The following CUX1 variants were observed in gnomAD, a reference collection of about 807,000 sequenced individuals.
The protein encoded by CUX1 is protein CASP.
Under a neutral mutation model 158.8 loss-of-function variants are expected in CUX1, and 31 were observed. The observed-to-expected ratio is 0.20, with a 90% CI of 0.15 to 0.26. CUX1 has a LOEUF of 0.26. Among genes scored for constraint, CUX1 ranks in the 10% least tolerant of loss-of-function variants. CUX1 has a pLI of 1.00. For synonymous variants in CUX1, 879 were observed against 862.1 expected, an observed-to-expected ratio of 1.02 and a Z score of -0.34; for missense variants, 1,589 against 2,014.6, an observed-to-expected ratio of 0.79 and a Z score of 4.04.
chr7:102,204,336 T>A, intron 18 of CUX1, 55 bp from the exon 19 acceptor site: 1 of 1,596,428 alleles, frequency 6.3e-7, no homozygotes, highest in South Asian at 1.1e-5. Flanking sequence ...GCAGCATCTG[T>A]GGTGTCATGC....
chr7:101,922,874 A>T (rs2129099041), intron 2 of CUX1, among the ~76,000 whole-genome samples: 1 of 152,344 alleles, frequency 6.6e-6, no homozygotes, highest in Admixed American at 6.5e-5. Context: ...GCATGTCAGG[A>T]GGGAGCAGCA....
chr7:102,101,143 C>T (rs1414388652), intron 5 of CUX1, among the ~76,000 whole-genome samples: 1 of 152,198 alleles, frequency 6.6e-6, no homozygotes, highest in East Asian at 1.9e-4. Flanking sequence ...GCCCCACTTC[C>T]AACACTGGAG....
Position 102,283,302 on chromosome 7 carries a change from A to G in CUX1, c.*212A>G, listed in dbSNP as rs968763069. ...GCTAGGTCCAGAGAGCGAGCCCCCA[A>G]TGCCCGGCCAGGCTAAGCCGCAGAG... On this transcript the variant is annotated 3_prime_UTR_variant, in exon 23 of 23. Coordinates refer to the CUX1 transcript ENST00000292538. The G allele has an allele frequency of 1.1e-4, 58 of 537,368 alleles. 1 individual carries two copies. The highest frequency in any genetic ancestry group is 4.3e-4 in the South Asian group (21 of 48,506). The allele number at this position is 537,368 out of a possible 1,614,324, so 33.3% of individuals were successfully genotyped here.
intron 1 of CUX1, among the ~76,000 whole-genome samples, chr7:101,842,872 A>ATTTTT (rs375610847): frequency 1.0e-4 from 11 of 105,776 alleles, no homozygotes; most frequent in Non-Finnish European, 1.5e-4. Flanking sequence ...AAATTATTCT[A>ATTTTT]TTTTTTTTTT....
At chr7:101,990,865 C>A (rs775402296) in intron 2 of CUX1, among the ~76,000 whole-genome samples, 5 of 152,174 alleles carry the variant, frequency 3.3e-5, no homozygotes, top group African/African-American at 4.8e-5. Context: ...TGGCTCTGAG[C>A]CCTTTGCACC....
chr7:101,872,215 C>T (rs1228865180), intron 1 of CUX1, among the ~76,000 whole-genome samples: 1 of 152,110 alleles, frequency 6.6e-6, no homozygotes, highest in Non-Finnish European at 1.5e-5. Context: ...CTCACTGCAA[C>T]CTCTGCCTCT....
chr7:101,862,465 C>T (rs530932353), intron 1 of CUX1, among the ~76,000 whole-genome samples: 1 of 152,318 alleles, frequency 6.6e-6, no homozygotes, highest in Non-Finnish European at 1.5e-5. Context: ...TGTCCTTCAG[C>T]TGCTGCCTGT....
rs60587564 is a variant in CUX1 at position 102,092,912 on chromosome 7, C to CA, written c.269-4432dup. ...TGGGTGACACAGTGAGACTCCGTCT[C>CA]AAAAAAAAAAAAAAAAAAAAGAAAG... On this transcript the variant is annotated intron_variant, in intron 4 of 23. Coordinates refer to ENST00000292535, the MANE Select transcript of CUX1 (RefSeq NM_181552.4). Among the ~76,000 whole-genome samples, 503 of 74,676 alleles carry CA rather than the reference C, an allele frequency of 6.7e-3. 12 individuals are homozygous for CA. The highest frequency in any genetic ancestry group is 0.044 in the Admixed American group (276 of 6,302). 49.0% of individuals were successfully genotyped at this position (74,676 alleles called of 152,430 possible). A position where few individuals can be genotyped will look rare whatever the true frequency, so the allele number is the denominator to read the frequency against.
At chr7:102,010,363 C>T (rs1051965547) in intron 2 of CUX1, among the ~76,000 whole-genome samples, 90 of 142,102 alleles carry the variant, frequency 6.3e-4, no homozygotes, top group Admixed American at 1.6e-3. Flanking sequence ...CACTGTACTC[C>T]AGCCTGGGCA....
chr7:102,246,861 T>C (rs554110470), intron 23 of CUX1, among the ~76,000 whole-genome samples: 5 of 152,316 alleles, frequency 3.3e-5, no homozygotes, highest in African/African-American at 1.2e-4. Flanking sequence ...TGAGCTACCA[T>C]GCCCAGCCTC....
At chr7:101,876,556 G>A (rs1469846275) in intron 1 of CUX1, among the ~76,000 whole-genome samples, 9 of 151,852 alleles carry the variant, frequency 5.9e-5, no homozygotes, top group African/African-American at 1.9e-4. Context: ...TTAGCCAGGC[G>A]TGGTGGCACG....
At chr7:102,190,409 C>A (rs896326707) in intron 12 of CUX1, among the ~76,000 whole-genome samples, 1 of 152,176 alleles carries the variant, frequency 6.6e-6, no homozygotes, top group Non-Finnish European at 1.5e-5. Flanking sequence ...GCAGCCCCCA[C>A]CTCTGCCTCC....
At position 102,114,946 on chromosome 7, in the gene CUX1, G is replaced by A. The variant is rs187846450; in HGVS notation, c.608-261G>A. Among the ~76,000 whole-genome samples, 44 of 152,062 alleles carry A rather than the reference G, an allele frequency of 2.9e-4. No homozygotes were observed. The East Asian group carries it at 7.7e-3, about 27-fold the overall frequency. ...AGTGGGAAAGAAGAAAGGAAGGGAG[G>A]GAGGGAGGGAGGAAACTATTAACAT... On this transcript the variant is annotated intron_variant, in intron 7 of 23. Transcript: ENST00000292535.
intron 1 of CUX1, among the ~76,000 whole-genome samples, chr7:101,836,627 AG>A (rs1177281497): frequency 7.4e-6 from 1 of 135,178 alleles, no homozygotes; most frequent in African/African-American, 2.9e-5. Context: ...GCATCACCTG[AG>A]GTCAGGAGTT....
At chr7:101,862,617 A>G (rs1250468277) in intron 1 of CUX1, among the ~76,000 whole-genome samples, 4 of 152,142 alleles carry the variant, frequency 2.6e-5, no homozygotes, top group African/African-American at 9.7e-5. Context: ...TCCTGCCTAT[A>G]AAAAGGTGGG....
At chr7:102,073,283 C>T (rs1386129456) in intron 4 of CUX1, among the ~76,000 whole-genome samples, 2 of 144,754 alleles carry the variant, frequency 1.4e-5, no homozygotes, top group Non-Finnish European at 3.0e-5. Context: ...AAGCAATTCT[C>T]CTGCCTCAGC....
Position 102,257,569 on chromosome 7 carries a change from C to T in CUX1, c.*8527C>T. The stretch of plus-strand genomic sequence containing the variant: ...TTTGCATTGAATAAGAGACCTAGTT[C>T]TTTGCGTTTGTGCAATAACTCTTTG... On this transcript the variant is annotated 3_prime_UTR_variant, in exon 24 of 24. Transcript: ENST00000292535. 1 of 985,366 alleles carries T rather than the reference C, an allele frequency of 1.0e-6. No homozygotes were observed. Among genetic ancestry groups the T allele is most frequent in the Non-Finnish European group, 1.2e-6 (1 of 829,924 alleles). The allele number at this position is 985,366 out of a possible 1,614,324, so 61.0% of individuals were successfully genotyped here. A position where few individuals can be genotyped will look rare whatever the true frequency, so the allele number is the denominator to read the frequency against.
intron 2 of CUX1, among the ~76,000 whole-genome samples, chr7:102,003,521 C>T (rs923508596): frequency 3.3e-5 from 5 of 152,132 alleles, no homozygotes; most frequent in African/African-American, 4.8e-5. Flanking sequence ...AGGGGATCTC[C>T]GTTCGAGTCT....
chr7:102,178,433 C>T (rs782789776), intron 10 of CUX1, 36 bp from the exon 11 acceptor site: 1 of 1,557,876 alleles, frequency 6.4e-7, no homozygotes. Context: ...CGCCTCAAGG[C>T]CAGCGCAGTT....
Sources: allele counts gnomAD v4.1 joint callset (sites outside exome capture counted in the v4.1 genomes callset), GRCh38; gene constraint gnomAD v4.1.1; transcripts MANE v1.5; gene names NCBI Gene and HGNC (gene_info 2026-07-23, HGNC 2026-07-21).